SIPA1: variants seen among roughly 807,000 people sequenced by gnomAD.
SIPA1 encodes the protein signal-induced proliferation-associated 1.
A neutral mutation model predicts 88.1 loss-of-function variants in SIPA1; 51 were observed. That is an observed-to-expected ratio of 0.58 (90% confidence interval 0.46 to 0.73). The LOEUF (loss-of-function observed/expected upper bound fraction) is 0.73, where lower values mean the gene tolerates loss of function less well. Among genes scored for constraint, SIPA1 ranks in the 30% least tolerant of loss-of-function variants. The pLI is 0.00. For missense variants in SIPA1, 1,348 were observed against 1,467.6 expected, an observed-to-expected ratio of 0.92 and a Z score of 1.33; for synonymous variants, 681 against 664.8, an observed-to-expected ratio of 1.02 and a Z score of -0.37.
Position 65,647,365 on chromosome 11 carries a change from C to A in SIPA1, c.2032-19C>A. ...CCACCTCCCGGCAGCCCCGCCCACT[C>A]GTCCCGCCCCGTCCGCAGCTGGTGA... On this transcript the variant is annotated intron_variant, in intron 8 of 15. Coordinates refer to ENST00000534313, the MANE Select transcript of SIPA1 (RefSeq NM_006747.4). 1.4e-6 allele frequency: 2 copies of A among 1,390,354 alleles called. No individual in the cohort carries two copies. The highest frequency in any genetic ancestry group is 1.8e-6 in the Non-Finnish European group (2 of 1,081,262). The allele number at this position is 1,390,354 out of a possible 1,614,324, so 86.1% of individuals were successfully genotyped here.
Position 65,646,092 on chromosome 11 carries a change from C to T in SIPA1, c.1264-129C>T. The T allele has an allele frequency of 1.5e-6, 2 of 1,336,122 alleles. No individual in the cohort carries two copies. The highest frequency in any genetic ancestry group is 2.1e-6 in the Non-Finnish European group (2 of 956,850). 82.8% of individuals were successfully genotyped at this position (1,336,122 alleles called of 1,614,324 possible). On this transcript the variant is annotated intron_variant, in intron 6 of 15. Coordinates refer to ENST00000534313, the MANE Select transcript of SIPA1 (RefSeq NM_006747.4). The surrounding 1 kb of genome is among the most constrained non-coding windows in gnomAD (Gnocchi z 7.5). ...CCCTCTGGTGGCCCCTTCCCAAAGA[C>T]AGAAACACCCTAGGTCTTCACCAGG...
At position 65,642,504 on chromosome 11, in the gene SIPA1, G is replaced by A; in HGVS notation, c.849G>A (p.Pro283=). 2 of 1,610,406 alleles carry A rather than the reference G, an allele frequency of 1.2e-6. No homozygotes were observed. The highest frequency in any genetic ancestry group is 8.5e-7 in the Non-Finnish European group (1 of 1,179,474). Residue 283 remains proline, a synonymous_variant, in exon 4 of 16, where the codon CCG becomes CCA. Coordinates refer to ENST00000534313, the MANE Select transcript of SIPA1 (RefSeq NM_006747.4). This position sits in a 1 kb window ranked among gnomAD's most constrained non-coding sequence, Gnocchi z 6.5. Reference sequence around the variant, plus strand: ...GCACCATCTCGGAGGACGCGCTGCCGCCGGGGCCCCCACGGGGTCTGTCCC... The same window carrying A: ...GCACCATCTCGGAGGACGCGCTGCCACCGGGGCCCCCACGGGGTCTGTCCC... ...LRGTISEDAL[P]PGPPRGLSPR... is the part of the protein sequence containing the mutation.
In SIPA1 at chr11:65,642,800, C is replaced by T. The variant is rs964035591; in HGVS notation, c.984+161C>T. ...ACAGGGCATCAGAGTTCATCTGGAGCCTTGCGTCTCAAAGTGAGCTCTGTA... is the reference window on the plus strand; with the variant it reads ...ACAGGGCATCAGAGTTCATCTGGAGTCTTGCGTCTCAAAGTGAGCTCTGTA... On this transcript the variant is annotated intron_variant, in intron 4 of 15. Coordinates refer to ENST00000534313, the MANE Select transcript of SIPA1 (RefSeq NM_006747.4). The surrounding 1 kb of genome is among the most constrained non-coding windows in gnomAD (Gnocchi z 6.5). Among the ~76,000 whole-genome samples the T allele has an allele frequency of 1.3e-5, 2 of 152,198 alleles. No homozygotes were observed. The highest frequency in any genetic ancestry group is 2.9e-5 in the Non-Finnish European group (2 of 68,044).
At chr11:65,638,389 C>G (rs1252639135) in intron 1 of SIPA1, 2 of 151,014 alleles carry the variant, frequency 1.3e-5, no homozygotes, top group African/African-American at 2.5e-5. Context: ...CCTACTCTCT[C>G]TGTGTGACGG....
chr11:65,640,676 G>T lies in SIPA1; in HGVS notation c.-91-155G>T, dbSNP rs1855982379. 8.3e-6 allele frequency: 4 copies of T among 484,336 alleles called. No individual in the cohort carries two copies. The East Asian group carries it at 1.4e-4, about 17-fold the overall frequency. 30.0% of individuals were successfully genotyped at this position (484,336 alleles called of 1,614,324 possible). On this transcript the variant is annotated intron_variant, in intron 1 of 15. Coordinates refer to ENST00000534313, the MANE Select transcript of SIPA1 (RefSeq NM_006747.4). Reference sequence around the variant, plus strand: ...GCTGGGGAGGGGGCTGGAAACTTTAGCCCTAGGCAGACAAGGAAGTGGCCT... The same window carrying T: ...GCTGGGGAGGGGGCTGGAAACTTTATCCCTAGGCAGACAAGGAAGTGGCCT...
chr11:65,650,007 T>C lies in SIPA1; in HGVS notation c.2804T>C (p.Ile935Thr), dbSNP rs201481556. 42 of 1,613,850 alleles carry C rather than the reference T, an allele frequency of 2.6e-5. No individual in the cohort carries two copies. Among genetic ancestry groups the C allele is most frequent in the South Asian group, 2.0e-4 (18 of 91,070 alleles). Residue 935 changes from isoleucine (I) to threonine (T), a missense_variant, in exon 13 of 16, where the codon ATT (isoleucine) becomes ACT (threonine). By Grantham distance (89) the Ile-to-Thr change is moderately conservative. This residue lies in a region of SIPA1 where 615 missense variants were observed against 559.8 expected (regional missense o/e 1.10). Transcript: ENST00000534313. ...GACGAGTGGCAGGCCATCTCGGAGA[T>C]TGCCTCTACTTGCAACACCATTCTG... ...LEDEWQAISE[I>T]ASTCNTILES...
rs774878410 is a variant in SIPA1, at chr11:65,641,606, G to A, written c.679+6G>A. The A allele has an allele frequency of 1.2e-6, 2 of 1,600,154 alleles. No individual in the cohort carries two copies. Among genetic ancestry groups the A allele is most frequent in the South Asian group, 1.1e-5 (1 of 89,768 alleles). The stretch of plus-strand genomic sequence containing the variant: ...CAAATACTTCTATGGCAAAGGTGAG[G>A]AAAGGCAGTTCCAGGGAGTGGAGGA... On this transcript the variant is annotated splice_donor_region_variant and intron_variant, in intron 2 of 15. Coordinates refer to ENST00000534313, the MANE Select transcript of SIPA1 (RefSeq NM_006747.4).
intron 8 of SIPA1, 48 bp from the exon 9 acceptor site, chr11:65,647,336 G>T: frequency 1.5e-6 from 2 of 1,370,572 alleles, no homozygotes. Flanking sequence ...GCGCTGGGGC[G>T]GCCCCACCTC....
rs762306685 is a variant in SIPA1, at chr11:65,647,566, C to G, written c.2214C>G (p.Ser738Arg). Residue 738 changes from serine to arginine, a missense_variant, in exon 9 of 16, where the codon AGC becomes AGG. By Grantham distance (110) the Ser-to-Arg change is moderately radical (BLOSUM62 -1). Coordinates refer to ENST00000534313, the MANE Select transcript of SIPA1 (RefSeq NM_006747.4). ...LLRVCGQTLP[S>R]LRPEAAAQLL... ...GCGTGTGCGGCCAGACTCTGCCCAG[C>G]CTCCGGCCCGAGGCCGCTGCCCAGC... 1 of 1,334,218 alleles carries G rather than the reference C, an allele frequency of 7.5e-7. No homozygotes were observed. The highest frequency in any genetic ancestry group is 3.4e-5 in the East Asian group (1 of 28,996). 82.6% of individuals were successfully genotyped at this position (1,334,218 alleles called of 1,614,324 possible). A position where few individuals can be genotyped will look rare whatever the true frequency, so the allele number is the denominator to read the frequency against.
intron 14 of SIPA1, 46 bp downstream of exon 14, chr11:65,650,238 C>G: frequency 6.3e-7 from 1 of 1,598,950 alleles, no homozygotes; most frequent in South Asian, 1.1e-5. Flanking sequence ...CCCACATGAC[C>G]CCCCCTTCGT....
chr11:65,639,649 C>T (rs1336843994), intron 1 of SIPA1, among the ~76,000 whole-genome samples: 1 of 152,174 alleles, frequency 6.6e-6, no homozygotes, highest in Non-Finnish European at 1.5e-5. Context: ...TGGAGGTTCC[C>T]CAGCTCCCTG....
chr11:65,644,053 T>A (rs1056055250), intron 4 of SIPA1, among the ~76,000 whole-genome samples: 1 of 151,984 alleles, frequency 6.6e-6, no homozygotes, highest in Non-Finnish European at 1.5e-5. Context: ...TGTGGCTGAC[T>A]GGAAGGGGTG....
chr11:65,647,502 C>T lies in SIPA1; in HGVS notation c.2150C>T (p.Ala717Val). 1 of 1,416,544 alleles carries T rather than the reference C, an allele frequency of 7.1e-7. No individual in the cohort carries two copies. Among genetic ancestry groups the T allele is most frequent in the Non-Finnish European group, 9.2e-7 (1 of 1,090,396 alleles). 87.7% of individuals were successfully genotyped at this position (1,416,544 alleles called of 1,614,324 possible). A position where few individuals can be genotyped will look rare whatever the true frequency, so the allele number is the denominator to read the frequency against. The change falls in exon 9 of 16, where the codon GCC becomes GTC. Residue 717 changes from alanine (A) to valine (V), a missense_variant. Ala to Val is a moderately conservative substitution (Grantham distance 64). This residue lies in a region of SIPA1 where 615 missense variants were observed against 559.8 expected (regional missense o/e 1.10). Transcript: ENST00000534313. ...ACGCACGTGGAGCGCTTCACATTCG[C>T]CGAGACGGCGGGGCTGCGGCCCGGG... ...FVTHVERFTF[A>V]ETAGLRPGAR...
chr11:65,640,583 G>A (rs1855980601), intron 1 of SIPA1, among the ~76,000 whole-genome samples: 1 of 152,224 alleles, frequency 6.6e-6, no homozygotes, highest in Admixed American at 6.5e-5. Flanking sequence ...GCAGTCCCAG[G>A]GCTGCCCAGG....
chr11:65,645,465 G>T (rs1409458154), intron 5 of SIPA1, among the ~76,000 whole-genome samples: 1 of 152,040 alleles, frequency 6.6e-6, no homozygotes, highest in African/African-American at 2.4e-5. Flanking sequence ...CCCCTGGGAG[G>T]TGTTGTACTG....
chr11:65,645,722 C>T lies in SIPA1; in HGVS notation c.1160-132C>T, dbSNP rs907096807. 9 of 602,508 alleles carry T rather than the reference C, an allele frequency of 1.5e-5. No individual in the cohort carries two copies. In the African/African-American group the frequency reaches 1.7e-4, roughly 11 times the overall value. The allele number at this position is 602,508 out of a possible 1,614,324, so 37.3% of individuals were successfully genotyped here. On this transcript the variant is annotated intron_variant, in intron 5 of 15. Transcript: ENST00000534313. ...TTGAATCTCGCTGGCTGGGCATTGG[C>T]TGGTGGCATGACTGGTTGTCCACCT...
chr11:65,650,620 A>G lies in SIPA1; in HGVS notation c.3034A>G (p.Asn1012Asp). 4.4e-6 allele frequency: 7 copies of G among 1,579,520 alleles called. No homozygotes were observed. The highest frequency in any genetic ancestry group is 6.0e-6 in the Non-Finnish European group (7 of 1,162,460). Residue 1012 changes from asparagine to aspartate, a missense_variant, in exon 16 of 16, where the codon AAC becomes GAC. By Grantham distance (23) the Asn-to-Asp change is conservative (BLOSUM62 1). This residue lies in a region of SIPA1 where 615 missense variants were observed against 559.8 expected (regional missense o/e 1.10). Transcript: ENST00000534313. ...GGAGGAGGTGCGGAGCCTGAGACAC[A>G]ACAACCGGCGGCTGCAGGCGGAGTC... ...LEEEVRSLRHNNRRLQAESES... is the reference protein window; with the variant it reads ...LEEEVRSLRHDNRRLQAESES...
In SIPA1 at chr11:65,642,121, G is replaced by A. The variant is rs1856016224; in HGVS notation, c.680-129G>A. 11 of 1,299,682 alleles carry A rather than the reference G, an allele frequency of 8.5e-6. No homozygotes were observed. Among genetic ancestry groups the A allele is most frequent in the Non-Finnish European group, 1.2e-5 (11 of 948,552 alleles). The allele number at this position is 1,299,682 out of a possible 1,614,324, so 80.5% of individuals were successfully genotyped here. A position where few individuals can be genotyped will look rare whatever the true frequency, so the allele number is the denominator to read the frequency against. ...TGAGCTCGGGGCTACAGAGGGGCGG[G>A]ACTTAGTCTAGGGTCAACATTTGGT... On this transcript the variant is annotated intron_variant, in intron 2 of 15. Coordinates refer to ENST00000534313, the MANE Select transcript of SIPA1 (RefSeq NM_006747.4). This position sits in a 1 kb window ranked among gnomAD's most constrained non-coding sequence, Gnocchi z 6.5.
Position 65,642,203 on chromosome 11 carries a change from G to A in SIPA1, c.680-47G>A. On this transcript the variant is annotated intron_variant, in intron 2 of 15. Coordinates refer to ENST00000534313, the MANE Select transcript of SIPA1 (RefSeq NM_006747.4). This position sits in a 1 kb window ranked among gnomAD's most constrained non-coding sequence, Gnocchi z 6.5. ...ATGCGCGTGGTCGAGCGGGGGCGGGGCTGCCAGAGGGCGGGACCAATCGTT... is the reference window on the plus strand; with the variant it reads ...ATGCGCGTGGTCGAGCGGGGGCGGGACTGCCAGAGGGCGGGACCAATCGTT... 6.5e-7 allele frequency: 1 copy of A among 1,537,374 alleles called. No individual in the cohort carries two copies. The highest frequency in any genetic ancestry group is 8.7e-7 in the Non-Finnish European group (1 of 1,143,532).
Sources: allele counts gnomAD v4.1 joint callset (sites outside exome capture counted in the v4.1 genomes callset), GRCh38; gene constraint gnomAD v4.1.1; regional missense constraint gnomAD v4.1.1; non-coding constraint Gnocchi (gnomAD v3.1); transcripts MANE v1.5; gene names NCBI Gene and HGNC (gene_info 2026-07-23, HGNC 2026-07-21).